SCP2: variants seen among roughly 807,000 people sequenced by gnomAD.
The protein encoded by SCP2 is sterol carrier protein 2.
A neutral mutation model predicts 71.4 loss-of-function variants in SCP2; 48 were observed. The ratio of observed to expected loss-of-function variants is 0.67; its 90% CI spans 0.53 to 0.86. The LOEUF (loss-of-function observed/expected upper bound fraction) is 0.86, where lower values mean the gene tolerates loss of function less well. Ranked by LOEUF, SCP2 falls within the 40% of genes least tolerant of loss-of-function variation. The pLI, the probability that SCP2 is intolerant of heterozygous loss-of-function variation, is 0.00. For synonymous variants in SCP2, 220 were observed against 218.1 expected (o/e 1.01, Z -0.08); for missense variants, 560 against 655.6 (o/e 0.85, Z 1.59).
rs1664131908 is a variant in SCP2, at chr1:53,050,436, T to C, written c.1549-173T>C. 5.3e-6 allele frequency: 3 copies of C among 565,376 alleles called. No individual in the cohort carries two copies. In the Admixed American group the frequency reaches 8.9e-5, roughly 17 times the overall value. 35.0% of individuals were successfully genotyped at this position (565,376 alleles called of 1,614,324 possible). ...TGCAAAAAGTGTGGCCTTTACAAATTCTTCCTTTTGAAGAATGTGGTTCCA... is the reference window on the plus strand; with the variant it reads ...TGCAAAAAGTGTGGCCTTTACAAATCCTTCCTTTTGAAGAATGTGGTTCCA... On this transcript the variant is annotated intron_variant, in intron 15 of 15. Transcript: ENST00000371514.
intron 1 of SCP2, among the ~76,000 whole-genome samples, chr1:52,931,582 A>G (rs1653152857): frequency 6.6e-6 from 1 of 152,208 alleles, no homozygotes; most frequent in Admixed American, 6.5e-5. Flanking sequence ...TCACACATAT[A>G]CTACCTTCCT....
In SCP2 at chr1:53,040,543, A is replaced by G. The variant is rs180708429; in HGVS notation, c.1468+1497A>G. 4.2e-3 allele frequency among the ~76,000 whole-genome samples: 640 copies of G among 152,076 alleles called. 5 individuals are homozygous for G. The highest frequency in any genetic ancestry group is 0.015 in the African/African-American group (614 of 41,500). On this transcript the variant is annotated intron_variant, in intron 14 of 15. Transcript: ENST00000371514. ...TTTAAAATCTTAACCCCACGGTGAA[A>G]CCCCATCTCTACTAAAAATACAAAA...
chr1:52,954,720 T>G lies in SCP2; in HGVS notation c.332-20T>G, dbSNP rs1217527792. The G allele has an allele frequency of 2.5e-6, 4 of 1,607,000 alleles. No homozygotes were observed. The South Asian group carries it at 3.3e-5, about 13-fold the overall frequency. On this transcript the variant is annotated intron_variant, in intron 4 of 15. Coordinates refer to ENST00000371514, the MANE Select transcript of SCP2 (RefSeq NM_002979.5). The stretch of plus-strand genomic sequence containing the variant: ...TGTTTGGAAATTTGAATTTTCAAAA[T>G]AATTACGTTTTCCTTTAAGGTGTGG...
chr1:53,030,414 C>T (rs1000211743), intron 13 of SCP2, among the ~76,000 whole-genome samples: 4 of 152,148 alleles, frequency 2.6e-5, no homozygotes, highest in African/African-American at 9.7e-5. Context: ...TATGCTGATA[C>T]ATATTGCCAA....
chr1:52,973,389 C>T (rs1657671144), intron 6 of SCP2, among the ~76,000 whole-genome samples: 1 of 150,050 alleles, frequency 6.7e-6, no homozygotes, highest in Admixed American at 6.7e-5. Context: ...ATGAAAATAA[C>T]CCCCCAAAAT....
chr1:53,025,926 C>A (rs1161326707), intron 12 of SCP2, among the ~76,000 whole-genome samples: 2 of 152,194 alleles, frequency 1.3e-5, no homozygotes, highest in African/African-American at 4.8e-5. Context: ...TTTCATGTCA[C>A]TCTCCCCACA....
chr1:52,958,353 C>T (rs1233527379), intron 5 of SCP2, among the ~76,000 whole-genome samples: 1 of 151,874 alleles, frequency 6.6e-6, no homozygotes. Flanking sequence ...GCTTCAACCT[C>T]CGAAGTAACT....
chr1:53,035,096 A>T (rs1057195855), intron 13 of SCP2, among the ~76,000 whole-genome samples: 5 of 149,980 alleles, frequency 3.3e-5, no homozygotes, highest in Non-Finnish European at 7.4e-5. Flanking sequence ...ACAGAGTGAG[A>T]CTCTGTCTCA....
chr1:53,022,096 C>T lies in SCP2; in HGVS notation c.1236-5873C>T, dbSNP rs138929837. ...ACTGCAATTAATCTTAGAACGTTTT[C>T]GTCACCTCAAGAGAAAGTGTGTACC... On this transcript the variant is annotated intron_variant, in intron 12 of 15. Coordinates refer to ENST00000371514, the MANE Select transcript of SCP2 (RefSeq NM_002979.5). 5.1e-3 allele frequency among the ~76,000 whole-genome samples: 774 copies of T among 152,350 alleles called. 3 individuals carry two copies. Among genetic ancestry groups the T allele is most frequent in the Non-Finnish European group, 7.9e-3 (536 of 68,026 alleles).
chr1:53,038,842 T>C (rs1663207181), intron 13 of SCP2, 75 bp from the exon 14 acceptor site: 1 of 1,565,194 alleles, frequency 6.4e-7, no homozygotes, highest in Admixed American at 1.7e-5. Flanking sequence ...ATGTATCTAT[T>C]TAAACATGAA....
chr1:52,970,404 C>T (rs1243617799), intron 6 of SCP2, among the ~76,000 whole-genome samples: 3 of 152,162 alleles, frequency 2.0e-5, no homozygotes, highest in Non-Finnish European at 4.4e-5. Flanking sequence ...TGTACCTTGT[C>T]CTCTTTTGCT....
chr1:52,999,943 AG>A (rs1468184437), intron 11 of SCP2, among the ~76,000 whole-genome samples: 1 of 151,062 alleles, frequency 6.6e-6, no homozygotes, highest in Non-Finnish European at 1.5e-5. Flanking sequence ...CAACCTCCGG[AG>A]TAGCTGGGAT....
At chr1:53,044,606 T>C (rs1663669042) in intron 14 of SCP2, among the ~76,000 whole-genome samples, 1 of 152,210 alleles carries the variant, frequency 6.6e-6, no homozygotes, top group South Asian at 2.1e-4. Context: ...ATAAGTAGTT[T>C]CAGATCAGTG....
In SCP2 at chr1:52,995,179, C is replaced by T. The variant is rs77347611; in HGVS notation, c.1081+7043C>T. On this transcript the variant is annotated intron_variant, in intron 11 of 15. Coordinates refer to ENST00000371514, the MANE Select transcript of SCP2 (RefSeq NM_002979.5). ...GGGTACTCTCTTTATCAGCAAGATC[C>T]GAGAAGAGTGCCCTGATTGCATCAT... is the stretch of plus-strand genomic sequence containing the variant. The T allele has an allele frequency of 0.011, 5,605 of 493,164 alleles. 369 individuals are homozygous for T. In the East Asian group the frequency reaches 0.19, roughly 17 times the overall value. The allele number at this position is 493,164 out of a possible 1,614,324, so 30.5% of individuals were successfully genotyped here. A position where few individuals can be genotyped will look rare whatever the true frequency, so the allele number is the denominator to read the frequency against.
chr1:53,037,307 G>T (rs951657935), intron 13 of SCP2, among the ~76,000 whole-genome samples: 1 of 151,886 alleles, frequency 6.6e-6, no homozygotes, highest in Non-Finnish European at 1.5e-5. Flanking sequence ...TGAGTTTGTT[G>T]TCCTCCTTTT....
At position 52,959,057 on chromosome 1, in the gene SCP2, A is replaced by G. The variant is rs974644191; in HGVS notation, c.397-2446A>G. ...AATACGAGAATAATGCTGGCCTCAT[A>G]GAATAGCTGAGAAGTGTTCTCCTCT... On this transcript the variant is annotated intron_variant, in intron 5 of 15. Transcript: ENST00000371514. Among the ~76,000 whole-genome samples the G allele has an allele frequency of 3.3e-5, 5 of 152,162 alleles. No individual in the cohort carries two copies. In the South Asian group the frequency reaches 8.3e-4, roughly 25 times the overall value.
In SCP2 at chr1:53,036,656, C is replaced by CAT. The variant is rs916984311; in HGVS notation, c.1339-2251_1339-2250dup. Among the ~76,000 whole-genome samples the CAT allele has an allele frequency of 2.3e-4, 34 of 146,278 alleles. 1 individual carries two copies. Among genetic ancestry groups the CAT allele is most frequent in the Admixed American group, 1.9e-3 (27 of 13,876 alleles). On this transcript the variant is annotated intron_variant, in intron 13 of 15. Transcript: ENST00000371514. ...AATTAAACAGATCCCATTTAAGATA[C>CAT]ATATATATATAATCTTTTCTGTTTA...
chr1:52,949,831 C>G (rs1655132332), intron 3 of SCP2, among the ~76,000 whole-genome samples: 2 of 152,170 alleles, frequency 1.3e-5, no homozygotes, highest in Non-Finnish European at 2.9e-5. Flanking sequence ...TTTACCATGG[C>G]TAGCAGATAT....
chr1:52,987,920 A>G, intron 10 of SCP2, 109 bp from the exon 11 acceptor site: 1 of 706,256 alleles, frequency 1.4e-6, no homozygotes, highest in Non-Finnish European at 2.6e-6. Flanking sequence ...TGAACTGTTA[A>G]GAAATATTTG....
Sources: allele counts gnomAD v4.1 joint callset (sites outside exome capture counted in the v4.1 genomes callset), GRCh38; gene constraint gnomAD v4.1.1; transcripts MANE v1.5; gene names NCBI Gene and HGNC (gene_info 2026-07-23, HGNC 2026-07-21).